TUBB2A: variants seen among roughly 807,000 people sequenced by gnomAD.
The protein encoded by TUBB2A is tubulin beta 2A class IIa.
Under a neutral mutation model 33.9 loss-of-function variants are expected in TUBB2A, and 7 were observed. That is an observed-to-expected ratio of 0.21 (90% confidence interval 0.12 to 0.39). The LOEUF (loss-of-function observed/expected upper bound fraction) is 0.39. Ranked by LOEUF, TUBB2A falls within the 10% of genes least tolerant of loss-of-function variation. The pLI is 1.00. For synonymous variants in TUBB2A, 187 were observed against 247.6 expected, an observed-to-expected ratio of 0.76 and a Z score of 2.30; for missense variants, 80 against 593.4, an observed-to-expected ratio of 0.13 and a Z score of 8.99.
chr6:3,154,286 C>T lies in TUBB2A; in HGVS notation c.915G>A (p.Pro305=). ...DSKNMMAACD[P]RHGRYLTVAA... ...CCACCGTCAGGTAGCGGCCGTGGCG[C>T]GGGTCGCAGGCGGCCATCATGTTCT... is the stretch of plus-strand genomic sequence containing the variant. Residue 305 remains proline, a synonymous_variant, in exon 4 of 4, where the codon CCG becomes CCA. Transcript: ENST00000333628. The T allele has an allele frequency of 4.8e-6, 4 of 839,058 alleles. No individual in the cohort carries two copies. In the South Asian group the frequency reaches 5.1e-5, roughly 11 times the overall value. The allele number at this position is 839,058 out of a possible 1,614,324, so 52.0% of individuals were successfully genotyped here.
Position 3,155,589 on chromosome 6 carries a change from T to C in TUBB2A, c.277+36A>G, listed in dbSNP as rs766125833. ...GCAGGGCTGTTAGGAAGAAGGTGTG[T>C]CATTTGGCCAGTTCCCAGTGATCAT... is the stretch of plus-strand genomic sequence containing the variant. On this transcript the variant is annotated intron_variant, in intron 3 of 3. Coordinates refer to ENST00000333628, the MANE Select transcript of TUBB2A (RefSeq NM_001069.3). The surrounding 1 kb of genome is among the most constrained non-coding windows in gnomAD (Gnocchi z 4.2). 3 of 1,515,086 alleles carry C rather than the reference T, an allele frequency of 2.0e-6. No homozygotes were observed. Among genetic ancestry groups the C allele is most frequent in the Non-Finnish European group, 1.8e-6 (2 of 1,097,098 alleles). The allele number at this position is 1,515,086 out of a possible 1,614,324, so 93.9% of individuals were successfully genotyped here.
intron 1 of TUBB2A, among the ~76,000 whole-genome samples, 197 bp downstream of exon 1, chr6:3,157,210 C>T (rs1474794954): frequency 6.6e-6 from 1 of 152,250 alleles, no homozygotes; most frequent in African/African-American, 2.4e-5. Context: ...TCGAAAGGCC[C>T]CCGATTAAAC....
intron 1 of TUBB2A, among the ~76,000 whole-genome samples, chr6:3,156,832 T>C (rs1470469124): frequency 3.9e-5 from 6 of 151,944 alleles, no homozygotes; most frequent in Admixed American, 1.3e-4. Context: ...CCCCCACCCA[T>C]GCACCAGACC....
At position 3,157,532 on chromosome 6, in the gene TUBB2A, T is replaced by TGCGCA; in HGVS notation, c.-74_-70dup. 15 of 1,397,550 alleles carry TGCGCA rather than the reference T, an allele frequency of 1.1e-5. No individual in the cohort carries two copies. In the South Asian group the frequency reaches 1.7e-4, roughly 16 times the overall value. 86.6% of individuals were successfully genotyped at this position (1,397,550 alleles called of 1,614,324 possible). A position where few individuals can be genotyped will look rare whatever the true frequency, so the allele number is the denominator to read the frequency against. Reference sequence around the variant, plus strand: ...CGCGGCGTGGACCGGCGGGCTGGGCTGCGCAGAGACCTGCCGCCGCCCCCC... The same window carrying TGCGCA: ...CGCGGCGTGGACCGGCGGGCTGGGCTGCGCAGCGCAGAGACCTGCCGCCGCCCCCC... On this transcript the variant is annotated 5_prime_UTR_variant, in exon 1 of 4. Coordinates refer to ENST00000333628, the MANE Select transcript of TUBB2A (RefSeq NM_001069.3).
At position 3,153,878 on chromosome 6, in the gene TUBB2A, G is replaced by T. The variant is rs62637713; in HGVS notation, c.1323C>A (p.Gly441=). The T allele has an allele frequency of 6.2e-7, 1 of 1,613,926 alleles. No homozygotes were observed. Among genetic ancestry groups the T allele is most frequent in the South Asian group, 1.1e-5 (1 of 91,066 alleles). The part of the protein sequence containing the change: ...DEQGEFEEEE[G]EDEA Reference sequence around the variant, plus strand: ...TGAGAAGTTTTTAAGCCTCGTCCTCGCCCTCCTCCTCCTCGAACTCCCCTT... The same window carrying T: ...TGAGAAGTTTTTAAGCCTCGTCCTCTCCCTCCTCCTCCTCGAACTCCCCTT... The change falls in exon 4 of 4, where the codon GGC becomes GGA. Residue 441 remains glycine (G), a synonymous_variant. Transcript: ENST00000333628.
Position 3,154,925 on chromosome 6 carries a change from T to C in TUBB2A, c.278-2A>G. The C allele has an allele frequency of 6.2e-7, 1 of 1,613,992 alleles. No homozygotes were observed. Among genetic ancestry groups the C allele is most frequent in the Non-Finnish European group, 8.5e-7 (1 of 1,179,994 alleles). ...AGTTATTCCCGGCTCCACTCTGGCC[T>C]GCCAGAGGGAAAGTGAACATTAGAC... On this transcript the variant is annotated splice_acceptor_variant, in intron 3 of 3. Transcript: ENST00000333628. LOFTEE classifies it high-confidence loss of function.
Position 3,155,917 on chromosome 6 carries a change from T to A in TUBB2A, c.166+127A>T. The A allele has an allele frequency of 6.7e-7, 1 of 1,497,638 alleles. No homozygotes were observed. Among genetic ancestry groups the A allele is most frequent in the Non-Finnish European group, 9.0e-7 (1 of 1,113,840 alleles). The allele number at this position is 1,497,638 out of a possible 1,614,324, so 92.8% of individuals were successfully genotyped here. Reference sequence around the variant, plus strand: ...CTTAGGAAACCATAAAACATGTTTTTCCAGCAGTTGGCATTTGAAATGAAT... The same window carrying A: ...CTTAGGAAACCATAAAACATGTTTTACCAGCAGTTGGCATTTGAAATGAAT... On this transcript the variant is annotated intron_variant, in intron 2 of 3. Transcript: ENST00000333628. This position sits in a 1 kb window ranked among gnomAD's most constrained non-coding sequence, Gnocchi z 4.2.
Position 3,155,475 on chromosome 6 carries a change from C to T in TUBB2A, c.277+150G>A, listed in dbSNP as rs1175267545. 4 of 532,808 alleles carry T rather than the reference C, an allele frequency of 7.5e-6. No homozygotes were observed. The highest frequency in any genetic ancestry group is 1.3e-5 in the Non-Finnish European group (4 of 310,458). 33.0% of individuals were successfully genotyped at this position (532,808 alleles called of 1,614,324 possible). ...CTGGCGTTGATCTGTGAGCCATGAC[C>T]ACCCATGGACTGCATGGAGCTAGGC... On this transcript the variant is annotated intron_variant, in intron 3 of 3. Coordinates refer to ENST00000333628, the MANE Select transcript of TUBB2A (RefSeq NM_001069.3). The surrounding 1 kb of genome is among the most constrained non-coding windows in gnomAD (Gnocchi z 4.2).
At chr6:3,157,175 G>A (rs1013811834) in intron 1 of TUBB2A, among the ~76,000 whole-genome samples, 18 of 152,258 alleles carry the variant, frequency 1.2e-4, no homozygotes, top group Non-Finnish European at 2.4e-4. Context: ...ACCGCGTCCC[G>A]CAGAAGGGCT....
At chr6:3,156,831 A>T (rs1367764177) in intron 1 of TUBB2A, among the ~76,000 whole-genome samples, 2 of 150,708 alleles carry the variant, frequency 1.3e-5, no homozygotes, top group African/African-American at 2.5e-5. Context: ...GCCCCCACCC[A>T]TGCACCAGAC....
intron 2 of TUBB2A, 41 bp downstream of exon 2, chr6:3,156,003 G>A (rs1762625847): frequency 1.3e-6 from 2 of 1,491,384 alleles, no homozygotes; most frequent in Non-Finnish European, 1.8e-6. Flanking sequence ...CCCACATCAT[G>A]GAAAGCAAGG....
chr6:3,155,844 GA>G lies in TUBB2A; in HGVS notation c.167-110del. On this transcript the variant is annotated intron_variant, in intron 2 of 3. Transcript: ENST00000333628. This position sits in a 1 kb window ranked among gnomAD's most constrained non-coding sequence, Gnocchi z 4.2. ...AGAACAGGAGATTTTCTGCTTTTAA[GA>G]AAAAGGAGGTCCTGAGTGTGCTTAG... 7.5e-7 allele frequency: 1 copy of G among 1,338,070 alleles called. No individual in the cohort carries two copies. Among genetic ancestry groups the G allele is most frequent in the Non-Finnish European group, 1.0e-6 (1 of 976,622 alleles). The allele number at this position is 1,338,070 out of a possible 1,614,324, so 82.9% of individuals were successfully genotyped here. A position where few individuals can be genotyped will look rare whatever the true frequency, so the allele number is the denominator to read the frequency against.
chr6:3,155,855 T>G lies in TUBB2A; in HGVS notation c.167-120A>C. 9.7e-6 allele frequency: 13 copies of G among 1,336,766 alleles called. 1 individual carries two copies. Among genetic ancestry groups the G allele is most frequent in the Non-Finnish European group, 1.3e-5 (13 of 977,126 alleles). 82.8% of individuals were successfully genotyped at this position (1,336,766 alleles called of 1,614,324 possible). A position where few individuals can be genotyped will look rare whatever the true frequency, so the allele number is the denominator to read the frequency against. ...TTTTCTGCTTTTAAGAAAAAGGAGG[T>G]CCTGAGTGTGCTTAGCCGTGGCAAA... is the stretch of plus-strand genomic sequence containing the variant. On this transcript the variant is annotated intron_variant, in intron 2 of 3. Transcript: ENST00000333628. This position sits in a 1 kb window ranked among gnomAD's most constrained non-coding sequence, Gnocchi z 4.2.
intron 3 of TUBB2A, 64 bp from the exon 4 acceptor site, chr6:3,154,987 A>T (rs1762607062): frequency 2.5e-6 from 4 of 1,604,066 alleles, no homozygotes; most frequent in Admixed American, 1.7e-5. Flanking sequence ...TGTCATTTTG[A>T]CTATGGAGGA....
rs909963 is a variant in TUBB2A, at chr6:3,157,208, C to G, written c.57+199G>C. 0.59 allele frequency among the ~76,000 whole-genome samples: 90,177 copies of G among 152,192 alleles called. 27,350 individuals carry two copies. The highest frequency in any genetic ancestry group is 0.66 in the Non-Finnish European group (45,195 of 68,002). ...GCTGTGTCCCAGGGAAATCGAAAGG[C>G]CCCCGATTAAACGCACACACAGCTG... On this transcript the variant is annotated intron_variant, in intron 1 of 3. Transcript: ENST00000333628.
chr6:3,155,164 G>T lies in TUBB2A; in HGVS notation c.278-241C>A. 1 of 1,127,738 alleles carries T rather than the reference G, an allele frequency of 8.9e-7. No homozygotes were observed. Among genetic ancestry groups the T allele is most frequent in the Non-Finnish European group, 1.2e-6 (1 of 819,138 alleles). The allele number at this position is 1,127,738 out of a possible 1,614,324, so 69.9% of individuals were successfully genotyped here. ...GCTATTGATTGAGGAAGAGGATAGG[G>T]TTAGAAAACTTAATTGGTTCTGAAA... On this transcript the variant is annotated intron_variant, in intron 3 of 3. Coordinates refer to ENST00000333628, the MANE Select transcript of TUBB2A (RefSeq NM_001069.3). The surrounding 1 kb of genome is among the most constrained non-coding windows in gnomAD (Gnocchi z 4.2).
chr6:3,157,124 C>G (rs1048599472), intron 1 of TUBB2A, among the ~76,000 whole-genome samples: 10 of 152,246 alleles, frequency 6.6e-5, no homozygotes, highest in Non-Finnish European at 1.5e-4. Flanking sequence ...ACCGTACCCC[C>G]GACCCAAGTT....
chr6:3,157,290 T>A, intron 1 of TUBB2A, 117 bp downstream of exon 1: 1 of 1,175,334 alleles, frequency 8.5e-7, no homozygotes. Context: ...CCCGGCGGCC[T>A]CGCCGCGGAA....
Position 3,157,483 on chromosome 6 carries a change from G to T in TUBB2A, c.-20C>A. 6.6e-7 allele frequency: 1 copy of T among 1,512,622 alleles called. No homozygotes were observed. 93.7% of individuals were successfully genotyped at this position (1,512,622 alleles called of 1,614,324 possible). A position where few individuals can be genotyped will look rare whatever the true frequency, so the allele number is the denominator to read the frequency against. On this transcript the variant is annotated 5_prime_UTR_variant, in exon 1 of 4. Coordinates refer to ENST00000333628, the MANE Select transcript of TUBB2A (RefSeq NM_001069.3). ...GCGCATGGTGCCGGCTGCGGAGCGG[G>T]TGGCGCTGGCCCTCGGAGCGGTGCG...
Sources: gnomAD v4.1 joint callset for allele counts (sites outside exome capture counted in the v4.1 genomes callset) on GRCh38, gnomAD v4.1.1 for gene constraint, Gnocchi (gnomAD v3.1) non-coding constraint, MANE v1.5 for transcripts, NCBI Gene and HGNC (gene_info 2026-07-23, HGNC 2026-07-21) for gene names.